Variants in WWOX observed in about 807,000 individuals in gnomAD.
WWOX encodes the protein WW domain containing oxidoreductase.
In WWOX, 69 loss-of-function variants were observed where a neutral mutation model predicts 46.2. The observed-to-expected ratio is 1.49, with a 90% CI of 1.23 to 1.82. WWOX has a LOEUF of 1.82. WWOX is among the 40% of genes most tolerant of loss of function. The pLI is 0.00. For synonymous variants in WWOX, 359 were observed against 202.6 expected (o/e 1.77, Z -6.56); for missense variants, 919 against 542.6 (o/e 1.69, Z -6.89).
At chr16:78,566,490 G>A (rs1229503283) in intron 8 of WWOX, among the ~76,000 whole-genome samples, 2 of 152,142 alleles carry the variant, frequency 1.3e-5, no homozygotes, top group Non-Finnish European at 2.9e-5. Flanking sequence ...ATTGTCGCTG[G>A]CCTTGCTGTA....
intron 5 of WWOX, chr16:78,241,205 G>C (rs2037634549): frequency 6.6e-6 from 1 of 152,244 alleles, no homozygotes; most frequent in Non-Finnish European, 1.5e-5. Flanking sequence ...CACCTGTTCA[G>C]TGGATTCGGT....
At chr16:78,969,235 A>T (rs1427248666) in intron 8 of WWOX, among the ~76,000 whole-genome samples, 1 of 149,902 alleles carries the variant, frequency 6.7e-6, no homozygotes, top group East Asian at 2.0e-4. Flanking sequence ...AGAAAATAAC[A>T]CTAGGATTGC....
chr16:78,725,836 C>CT (rs1010736098), intron 8 of WWOX, among the ~76,000 whole-genome samples: 5 of 151,998 alleles, frequency 3.3e-5, no homozygotes. Context: ...TGTTCCTTGG[C>CT]TTGTAGGTGC....
intron 8 of WWOX, among the ~76,000 whole-genome samples, chr16:78,872,465 T>C (rs1246117812): frequency 2.6e-5 from 4 of 152,134 alleles, no homozygotes; most frequent in Non-Finnish European, 5.9e-5. Flanking sequence ...AGACAGTGAA[T>C]TACAGTGGGG....
chr16:78,277,683 C>T (rs2079605208), intron 5 of WWOX, among the ~76,000 whole-genome samples: 1 of 152,024 alleles, frequency 6.6e-6, no homozygotes, highest in African/African-American at 2.4e-5. Context: ...GTAGGGTTTG[C>T]ATGATTTGTG....
chr16:78,573,660 A>T (rs1016337752), intron 8 of WWOX, among the ~76,000 whole-genome samples: 14 of 152,176 alleles, frequency 9.2e-5, no homozygotes, highest in African/African-American at 3.4e-4. Context: ...TTTCTTGAAT[A>T]CACTTCTGTA....
intron 8 of WWOX, among the ~76,000 whole-genome samples, chr16:79,143,951 G>T (rs926297792): frequency 1.3e-5 from 2 of 152,122 alleles, no homozygotes; most frequent in South Asian, 2.1e-4. Flanking sequence ...GTTACCCTGG[G>T]TGGAGTGCAG....
chr16:78,888,017 C>G lies in WWOX; in HGVS notation c.1057-323591C>G, dbSNP rs1015809326. ...CCCACATTGGACTTGTCAGAGAGGA[C>G]AGGTGCATTAGAATATAACTGTATG... is the stretch of plus-strand genomic sequence containing the variant. On this transcript the variant is annotated intron_variant, in intron 8 of 8. Transcript: ENST00000566780. Among the ~76,000 whole-genome samples, 15 of 152,312 alleles carry G rather than the reference C, an allele frequency of 9.8e-5. 1 individual carries two copies. The highest frequency in any genetic ancestry group is 9.2e-4 in the Admixed American group (14 of 15,296).
chr16:78,221,124 G>T (rs756811159), intron 5 of WWOX, among the ~76,000 whole-genome samples: 6 of 152,106 alleles, frequency 3.9e-5, no homozygotes, highest in Non-Finnish European at 7.4e-5. Context: ...AATCTCTACA[G>T]CTTTGAGAAT....
At chr16:78,361,063 T>C (rs1008373852) in intron 5 of WWOX, among the ~76,000 whole-genome samples, 4 of 152,172 alleles carry the variant, frequency 2.6e-5, no homozygotes, top group African/African-American at 9.7e-5. Flanking sequence ...GCTCAAGAAA[T>C]CTGCTTACCT....
intron 3 of WWOX, among the ~76,000 whole-genome samples, chr16:78,113,707 G>A (rs1420340576): frequency 6.6e-6 from 1 of 152,222 alleles, no homozygotes; most frequent in African/African-American, 2.4e-5. Context: ...CCAAGGTGAA[G>A]TGAGGAATTG....
At chr16:78,272,532 C>A (rs2079498443) in intron 5 of WWOX, among the ~76,000 whole-genome samples, 1 of 152,146 alleles carries the variant, frequency 6.6e-6, no homozygotes, top group Admixed American at 6.5e-5. Flanking sequence ...CAGACATACA[C>A]CTCACTTTCT....
chr16:78,113,789 G>C (rs1212012691), intron 3 of WWOX, among the ~76,000 whole-genome samples: 2 of 152,154 alleles, frequency 1.3e-5, no homozygotes, highest in Non-Finnish European at 2.9e-5. Flanking sequence ...TCTGTTGTGT[G>C]TGTATAATAT....
intron 8 of WWOX, among the ~76,000 whole-genome samples, chr16:78,678,507 C>T (rs1466822105): frequency 6.6e-6 from 1 of 152,156 alleles, no homozygotes; most frequent in Non-Finnish European, 1.5e-5. Context: ...CTGGTTGCAA[C>T]CTGGAAGGAA....
intron 8 of WWOX, among the ~76,000 whole-genome samples, chr16:78,959,390 C>G (rs961449899): frequency 6.6e-6 from 1 of 152,230 alleles, no homozygotes; most frequent in Non-Finnish European, 1.5e-5. Flanking sequence ...TGTTTTGGAA[C>G]TTGACGTCCA....
At chr16:79,142,665 A>T (rs928326722) in intron 8 of WWOX, among the ~76,000 whole-genome samples, 1 of 152,184 alleles carries the variant, frequency 6.6e-6, no homozygotes. Context: ...CAACGTTAAT[A>T]GAAATATAAG....
chr16:78,735,701 G>T (rs1452182751), intron 8 of WWOX, among the ~76,000 whole-genome samples: 2 of 152,164 alleles, frequency 1.3e-5, no homozygotes, highest in Admixed American at 1.3e-4. Context: ...CGTGATGCCT[G>T]GCTCAAGTAC....
At chr16:78,608,050 A>C (rs2151626612) in intron 8 of WWOX, among the ~76,000 whole-genome samples, 1 of 152,340 alleles carries the variant, frequency 6.6e-6, no homozygotes, top group East Asian at 1.9e-4. Flanking sequence ...ATTAGATTTC[A>C]GTGATATTGA....
chr16:78,242,113 G>A (rs1439788847), intron 5 of WWOX, among the ~76,000 whole-genome samples: 1 of 152,110 alleles, frequency 6.6e-6, no homozygotes, highest in Non-Finnish European at 1.5e-5. Flanking sequence ...TTGCGACGTC[G>A]GCCTAACATA....
Sources: allele counts gnomAD v4.1 joint callset (sites outside exome capture counted in the v4.1 genomes callset), GRCh38; gene constraint gnomAD v4.1.1; transcripts MANE v1.5; gene names NCBI Gene and HGNC (gene_info 2026-07-23, HGNC 2026-07-21).